Variants in MYPN observed in about 807,000 individuals in gnomAD.
MYPN encodes the protein myopalladin, also known as sarcomeric protein myopalladin, 145 kDa (MYOP).
MYPN carries 63 observed loss-of-function variants against 129.4 expected under a neutral mutation model. The observed-to-expected ratio is 0.49, with a 90% CI of 0.40 to 0.60. The LOEUF is 0.60. MYPN is among the 20% of genes least tolerant of loss of function. The pLI, the probability that MYPN is intolerant of heterozygous loss-of-function variation, is 0.00. For synonymous variants in MYPN, 629 were observed against 600.9 expected, an observed-to-expected ratio of 1.05 and a Z score of -0.68; for missense variants, 1,596 against 1,635.4, an observed-to-expected ratio of 0.98 and a Z score of 0.42.
At chr10:68,094,930 C>T (rs552378652) in intron 1 of MYPN, among the ~76,000 whole-genome samples, 11 of 152,064 alleles carry the variant, frequency 7.2e-5, no homozygotes, top group Middle Eastern at 3.4e-3. Flanking sequence ...GGCATGGTGG[C>T]GGGTGCTGTA....
intron 13 of MYPN, among the ~76,000 whole-genome samples, chr10:68,190,837 T>A (rs1045459609): frequency 3.9e-4 from 59 of 152,338 alleles, no homozygotes; most frequent in Middle Eastern, 3.4e-3. Context: ...CTTAAGTCTT[T>A]AATGTATTTA....
At position 68,188,952 on chromosome 10, in the gene MYPN, G is replaced by A. The variant is rs1243664605; in HGVS notation, c.2751G>A (p.Glu917=). The part of the protein sequence containing the change: ...SFEQRLMNEI[E]FRLERTPVDE... ...AGCAGAGGCTGATGAATGAAATAGA[G>A]TTTCGCTTGGAACGTACTCCTGTTG... The change falls in exon 13 of 20, where the codon GAG becomes GAA. Residue 917 remains glutamate, a synonymous_variant. Coordinates refer to ENST00000358913, the MANE Select transcript of MYPN (RefSeq NM_032578.4). 3 of 1,614,084 alleles carry A rather than the reference G, an allele frequency of 1.9e-6. No homozygotes were observed. The East Asian group carries it at 6.7e-5, about 36-fold the overall frequency.
At chr10:68,112,410 G>A (rs17456790) in intron 1 of MYPN, among the ~76,000 whole-genome samples, 4,584 of 152,128 alleles carry the variant, frequency 0.03, 96 homozygotes, top group Admixed American at 0.063. Flanking sequence ...CCACTCAAAC[G>A]AAATCTTTAC....
At chr10:68,153,045 G>A (rs1177139831) in intron 6 of MYPN, among the ~76,000 whole-genome samples, 2 of 151,200 alleles carry the variant, frequency 1.3e-5, no homozygotes, top group African/African-American at 4.9e-5. Context: ...GAGTGCAGTG[G>A]CATGATCTTG....
At chr10:68,109,767 G>T (rs969736004) in intron 1 of MYPN, 44 bp downstream of exon 1, 3 of 432,728 alleles carry the variant, frequency 6.9e-6, no homozygotes, top group Middle Eastern at 7.6e-4. Flanking sequence ...TGATAACAGG[G>T]CACTGACAGT....
At chr10:68,104,134 G>A (rs2041995590), upstream of MYPN, among the ~76,000 whole-genome samples, 1 of 152,168 alleles carries the variant, frequency 6.6e-6, no homozygotes, top group Admixed American at 6.6e-5. Flanking sequence ...CTACTCCCCA[G>A]CCTAGAATAC....
intron 2 of MYPN, 94 bp from the exon 3 acceptor site, chr10:68,142,846 T>G: frequency 8.2e-7 from 1 of 1,220,782 alleles, no homozygotes; most frequent in Non-Finnish European, 1.2e-6. Context: ...TGTTCTGACT[T>G]CAAATGAAGC....
chr10:68,103,484 TC>T (rs993526909), upstream of MYPN, among the ~76,000 whole-genome samples: 1 of 152,182 alleles, frequency 6.6e-6, no homozygotes, highest in Non-Finnish European at 1.5e-5. Flanking sequence ...AAACACAAAG[TC>T]AATAAAACTA....
At chr10:68,100,709 G>T (rs1359364662) in intron 1 of MYPN, among the ~76,000 whole-genome samples, 1 of 152,178 alleles carries the variant, frequency 6.6e-6, no homozygotes, top group Non-Finnish European at 1.5e-5. Flanking sequence ...CTTGGGCAAG[G>T]TGGTCACTGA....
chr10:68,194,927 T>C lies in MYPN; in HGVS notation c.3075+415T>C, dbSNP rs143200834. On this transcript the variant is annotated intron_variant, in intron 14 of 19. Coordinates refer to ENST00000358913, the MANE Select transcript of MYPN (RefSeq NM_032578.4). The stretch of plus-strand genomic sequence containing the variant: ...GTGAATATCCCTCAAACTCATAGTG[T>C]CCACATTTTGGGATTGTTTTGTTTT... Among the ~76,000 whole-genome samples, 44 of 152,346 alleles carry C rather than the reference T, an allele frequency of 2.9e-4. No homozygotes were observed. In the East Asian group the frequency reaches 8.3e-3, roughly 29 times the overall value.
chr10:68,178,941 A>G (rs2043271466), intron 12 of MYPN, among the ~76,000 whole-genome samples: 1 of 149,904 alleles, frequency 6.7e-6, no homozygotes, highest in Non-Finnish European at 1.5e-5. Flanking sequence ...AAACTTTCCC[A>G]TCTCGTTATT....
chr10:68,155,032 T>G (rs1353201755), intron 6 of MYPN, among the ~76,000 whole-genome samples: 1 of 151,712 alleles, frequency 6.6e-6, no homozygotes, highest in African/African-American at 2.4e-5. Flanking sequence ...AACACAAAAA[T>G]TAGCCGGGCA....
intron 10 of MYPN, among the ~76,000 whole-genome samples, chr10:68,167,923 G>T (rs570673986): frequency 6.6e-6 from 1 of 152,184 alleles, no homozygotes. Flanking sequence ...AATCCTGCAG[G>T]AGAAGAACTA....
intron 2 of MYPN, among the ~76,000 whole-genome samples, chr10:68,128,181 G>A (rs1215690121): frequency 6.6e-6 from 1 of 152,188 alleles, no homozygotes; most frequent in Admixed American, 6.5e-5. Flanking sequence ...ATTACCCAGA[G>A]ATGAAAGAGT....
intron 15 of MYPN, among the ~76,000 whole-genome samples, chr10:68,196,507 G>T (rs1373137547): frequency 2.9e-5 from 1 of 34,400 alleles, no homozygotes; most frequent in African/African-American, 5.2e-5. Context: ...TTTTGAGATG[G>T]GGGTCTCACT....
At chr10:68,144,497 A>G (rs923276337) in intron 3 of MYPN, among the ~76,000 whole-genome samples, 1 of 152,134 alleles carries the variant, frequency 6.6e-6, no homozygotes, top group Non-Finnish European at 1.5e-5. Flanking sequence ...AATGTGTTGT[A>G]TGTGTATGTG....
At chr10:68,201,271 T>C (rs530022802) in intron 17 of MYPN, among the ~76,000 whole-genome samples, 1 of 152,234 alleles carries the variant, frequency 6.6e-6, no homozygotes, top group Admixed American at 6.5e-5. Flanking sequence ...TTGCCTCTCG[T>C]GGGATGTGCA....
At position 68,147,226 on chromosome 10, in the gene MYPN, C is replaced by T. The variant is rs10997947; in HGVS notation, c.1131-1127C>T. Among the ~76,000 whole-genome samples, 697 of 152,266 alleles carry T rather than the reference C, an allele frequency of 4.6e-3. 8 individuals are homozygous for T. The highest frequency in any genetic ancestry group is 0.016 in the African/African-American group (665 of 41,540). On this transcript the variant is annotated intron_variant, in intron 4 of 19. Transcript: ENST00000358913. The stretch of plus-strand genomic sequence containing the variant: ...CTAGAGTGCTGTAGTGCGATCTCAG[C>T]TCACTGCAACCTCTGCCACCCAGGT...
intron 2 of MYPN, among the ~76,000 whole-genome samples, chr10:68,125,339 G>T (rs2042308974): frequency 6.6e-6 from 1 of 152,148 alleles, no homozygotes; most frequent in African/African-American, 2.4e-5. Context: ...CTAACCACTG[G>T]TTGGATGCTA....
Sources: gnomAD v4.1 joint callset for allele counts (sites outside exome capture counted in the v4.1 genomes callset) on GRCh38, gnomAD v4.1.1 for gene constraint, MANE v1.5 for transcripts, NCBI Gene and HGNC (gene_info 2026-07-23, HGNC 2026-07-21) for gene names.